CDH3: variants seen among roughly 807,000 people sequenced by gnomAD.
CDH3 encodes cadherin-3.
In CDH3, 54 loss-of-function variants were observed where a neutral mutation model predicts 82.0. That is an observed-to-expected ratio of 0.66 (90% CI 0.53 to 0.83). The LOEUF is 0.83. CDH3 is among the 40% of genes least tolerant of loss of function. The pLI is 0.00. For synonymous variants in CDH3, 446 were observed against 437.9 expected (o/e 1.02, Z -0.23); for missense variants, 1,054 against 1,084.6 (o/e 0.97, Z 0.40).
rs1438601497 is a variant in CDH3 at position 68,695,292 on chromosome 16, G to A, written c.2040G>A (p.Lys680=). The A allele has an allele frequency of 6.2e-7, 1 of 1,614,116 alleles. No individual in the cohort carries two copies. The highest frequency in any genetic ancestry group is 8.5e-7 in the Non-Finnish European group (1 of 1,180,022). The part of the protein sequence containing the change: ...LLVLLLLVRK[K]RKIKEPLLLP... ...TGCTGCTTTTGTTGGTGAGAAAGAA[G>A]CGGAAGATCAAGGAGCCCCTCCTAC... The change falls in exon 14 of 16, where the codon AAG becomes AAA. Residue 680 remains lysine (K), a synonymous_variant. Transcript: ENST00000264012.
intron 15 of CDH3, chr16:68,696,366 C>A (rs774169200): frequency 2.9e-5 from 9 of 308,332 alleles, no homozygotes; most frequent in South Asian, 2.8e-4. Context: ...TGCAGTGAGC[C>A]GACATCACGC....
chr16:68,646,000 T>C lies in CDH3; in HGVS notation c.160+250T>C, dbSNP rs191016948. 37 of 535,160 alleles carry C rather than the reference T, an allele frequency of 6.9e-5. No individual in the cohort carries two copies. In the East Asian group the frequency reaches 1.1e-3, roughly 16 times the overall value. The allele number at this position is 535,160 out of a possible 1,614,324, so 33.2% of individuals were successfully genotyped here. A position where few individuals can be genotyped will look rare whatever the true frequency, so the allele number is the denominator to read the frequency against. ...CTTACCTTGACCCCCTCCTCCGAGATGCCGGATGGCTGAGCCCCTCACCCA... is the reference window on the plus strand; with the variant it reads ...CTTACCTTGACCCCCTCCTCCGAGACGCCGGATGGCTGAGCCCCTCACCCA... On this transcript the variant is annotated intron_variant, in intron 2 of 15. Transcript: ENST00000264012.
At chr16:68,651,483 G>C in intron 2 of CDH3, 1 of 412,294 alleles carries the variant, frequency 2.4e-6, no homozygotes, top group South Asian at 2.0e-5. Context: ...GGCCTTCATG[G>C]TGTTCTAGTC....
intron 2 of CDH3, among the ~76,000 whole-genome samples, chr16:68,667,478 G>A (rs1001201887): frequency 6.6e-6 from 1 of 152,190 alleles, no homozygotes; most frequent in Admixed American, 6.5e-5. Context: ...GGAAAGATGG[G>A]TGGTTTTATT....
intron 2 of CDH3, among the ~76,000 whole-genome samples, chr16:68,657,733 G>GA (rs1197727559): frequency 2.0e-5 from 3 of 152,170 alleles, no homozygotes; most frequent in African/African-American, 7.2e-5. Context: ...AGGCATCTTA[G>GA]GGCTAAATGG....
At chr16:68,723,643 A>T (rs1163036357) in intron 2 of CDH3, among the ~76,000 whole-genome samples, 1 of 152,222 alleles carries the variant, frequency 6.6e-6, no homozygotes, top group Non-Finnish European at 1.5e-5. Flanking sequence ...TTTCGTAAAT[A>T]AATGAGGCCA....
At chr16:68,655,357 AG>A in intron 2 of CDH3, among the ~76,000 whole-genome samples, 1 of 152,338 alleles carries the variant, frequency 6.6e-6, no homozygotes, top group South Asian at 2.1e-4. Context: ...AGATACTCAG[AG>A]GGTAAGTAAG....
intron 2 of CDH3, among the ~76,000 whole-genome samples, chr16:68,726,371 C>T (rs1159631700): frequency 6.6e-6 from 1 of 152,112 alleles, no homozygotes; most frequent in East Asian, 1.9e-4. Context: ...ATCCTCTTGC[C>T]TTCCTTCTCT....
intron 12 of CDH3, among the ~76,000 whole-genome samples, chr16:68,689,234 CTTAG>C (rs980589222): frequency 2.0e-5 from 3 of 152,156 alleles, no homozygotes; most frequent in African/African-American, 4.8e-5. Context: ...GGGCCTGGCA[CTTAG>C]TAAGTGCCCA....
intron 1 of CDH3, among the ~76,000 whole-genome samples, chr16:68,712,935 G>C (rs1962048475): frequency 6.6e-6 from 1 of 152,090 alleles, no homozygotes; most frequent in Admixed American, 6.6e-5. Flanking sequence ...ACCCGCCTCA[G>C]CCTCCCAAAG....
chr16:68,653,319 C>CTCCA (rs955012113), intron 2 of CDH3, among the ~76,000 whole-genome samples: 1 of 152,072 alleles, frequency 6.6e-6, no homozygotes, highest in African/African-American at 2.4e-5. Flanking sequence ...TCACCGCAAC[C>CTCCA]TCCACCTCCC....
intron 2 of CDH3, among the ~76,000 whole-genome samples, chr16:68,722,842 G>C (rs1962179286): frequency 6.6e-6 from 1 of 151,966 alleles, no homozygotes; most frequent in African/African-American, 2.4e-5. Context: ...AGGCTGGAGT[G>C]GAATGGAATG....
chr16:68,697,693 C>A (rs1026852493), intron 15 of CDH3, among the ~76,000 whole-genome samples: 3 of 152,162 alleles, frequency 2.0e-5, no homozygotes, highest in African/African-American at 7.2e-5. Context: ...GCATGTAGCG[C>A]TTATTAGATA....
At chr16:68,731,053 T>A (rs1411901961), downstream of CDH3, among the ~76,000 whole-genome samples, 30 of 30,378 alleles carry the variant, frequency 9.9e-4, no homozygotes, top group South Asian at 1.3e-3. Flanking sequence ...AAAAAATATA[T>A]ATATATATAT....
At position 68,678,614 on chromosome 16, in the gene CDH3, G is replaced by T. The variant is rs1421755520; in HGVS notation, c.504G>T (p.Leu168Phe). The T allele has an allele frequency of 1.2e-6, 2 of 1,614,140 alleles. No individual in the cohort carries two copies. Among genetic ancestry groups the T allele is most frequent in the African/African-American group, 2.7e-5 (2 of 74,954 alleles). Residue 168 changes from leucine to phenylalanine, a missense_variant, in exon 5 of 16, where the codon TTG becomes TTT. By Grantham distance (22) the Leu-to-Phe change is conservative. Coordinates refer to ENST00000264012, the MANE Select transcript of CDH3 (RefSeq NM_001793.6). ...TAGAGAAGGAGACAGGCTGGTTGTT[G>T]TTGAATAAGCCACTGGACCGGGAGG... ...FAVEKETGWL[L>F]LNKPLDREEI... is the part of the protein sequence containing the mutation.
At position 68,698,402 on chromosome 16, in the gene CDH3, C is replaced by A. The variant is rs777390548; in HGVS notation, c.*2C>A. ...TACGGTGGCGGGGAGGACGACTAGG[C>A]GGCCTGCCTGCAGGGCTGGGGACCA... On this transcript the variant is annotated 3_prime_UTR_variant, in exon 16 of 16. Transcript: ENST00000264012. 3.1e-6 allele frequency: 5 copies of A among 1,613,314 alleles called. No homozygotes were observed. In the East Asian group the frequency reaches 1.1e-4, roughly 36 times the overall value.
At chr16:68,662,408 T>C (rs1960608515) in intron 2 of CDH3, among the ~76,000 whole-genome samples, 1 of 152,158 alleles carries the variant, frequency 6.6e-6, no homozygotes, top group Non-Finnish European at 1.5e-5. Flanking sequence ...TAGTGCATGA[T>C]GACTGCATTT....
rs2152100154 is a variant in CDH3 at position 68,678,764 on chromosome 16, C to T, written c.549C>T (p.Leu183=). Residue 183 remains leucine, a splice_region_variant and synonymous_variant, in exon 6 of 16, where the codon CTC becomes CTT. Transcript: ENST00000264012. ...CCCCAGAGCTGTGTACCCCACAGCTCTTTGGCCACGCTGTGTCAGAGAATG... is the reference window on the plus strand; with the variant it reads ...CCCCAGAGCTGTGTACCCCACAGCTTTTTGGCCACGCTGTGTCAGAGAATG... ...LDREEIAKYE[L]FGHAVSENGA... is the part of the protein sequence containing the mutation. The T allele has an allele frequency of 1.9e-6, 3 of 1,614,174 alleles. No homozygotes were observed. The highest frequency in any genetic ancestry group is 2.5e-6 in the Non-Finnish European group (3 of 1,180,012).
chr16:68,662,577 T>G (rs901613882), intron 2 of CDH3, among the ~76,000 whole-genome samples: 1 of 147,624 alleles, frequency 6.8e-6, no homozygotes, highest in Non-Finnish European at 1.5e-5. Context: ...AGATGGAGTC[T>G]TGCTCTGTCG....
Sources: allele counts gnomAD v4.1 joint callset (sites outside exome capture counted in the v4.1 genomes callset), GRCh38; gene constraint gnomAD v4.1.1; transcripts MANE v1.5; gene names NCBI Gene and HGNC (gene_info 2026-07-23, HGNC 2026-07-21).